The following HACE1 variants were observed in gnomAD, a reference collection of about 807,000 sequenced individuals.
The protein encoded by HACE1 is HECT domain and ankyrin repeat containing E3 ubiquitin protein ligase 1.
A neutral mutation model predicts 118.4 loss-of-function variants in HACE1; 73 were observed. The ratio of observed to expected loss-of-function variants is 0.62; its 90% CI spans 0.51 to 0.75. The LOEUF (loss-of-function observed/expected upper bound fraction) is 0.75, where lower values mean the gene tolerates loss of function less well. HACE1 is among the 30% of genes least tolerant of loss of function. The pLI is 0.00. For missense variants in HACE1, 749 were observed against 1,102.2 expected, an observed-to-expected ratio of 0.68 and a Z score of 4.54; for synonymous variants, 368 against 374.8, an observed-to-expected ratio of 0.98 and a Z score of 0.21.
rs192251615 is a variant in HACE1, at chr6:104,780,804, C to A, written c.1566+3282G>T. On this transcript the variant is annotated intron_variant, in intron 14 of 23. Coordinates refer to ENST00000262903, the MANE Select transcript of HACE1 (RefSeq NM_020771.4). ...TTATTGCAAAATGATTCATGAACTG[C>A]CTTTAATTGTCCTGTCCTGTCTCCT... 1.2e-4 allele frequency among the ~76,000 whole-genome samples: 19 copies of A among 152,280 alleles called. No homozygotes were observed. The East Asian group carries it at 2.9e-3, about 23-fold the overall frequency.
intron 7 of HACE1, among the ~76,000 whole-genome samples, chr6:104,808,079 G>A (rs1771213109): frequency 6.6e-6 from 1 of 151,910 alleles, no homozygotes; most frequent in Admixed American, 6.6e-5. Context: ...CCAGCTACTC[G>A]GGAGGCAGAG....
At chr6:104,737,302 A>G (rs1006642009) in intron 22 of HACE1, among the ~76,000 whole-genome samples, 40 of 151,144 alleles carry the variant, frequency 2.6e-4, no homozygotes, top group East Asian at 7.8e-4. Context: ...AAAAAAAAAA[A>G]AAAAAGAAAA....
At chr6:104,858,505 G>C in intron 1 of HACE1, 2 of 397,752 alleles carry the variant, frequency 5.0e-6, no homozygotes, top group Non-Finnish European at 9.9e-6. Context: ...TTCAAGACCA[G>C]CCTGGGGAAC....
At chr6:104,735,439 T>G (rs1156770102) in intron 22 of HACE1, among the ~76,000 whole-genome samples, 1 of 152,104 alleles carries the variant, frequency 6.6e-6, no homozygotes, top group Non-Finnish European at 1.5e-5. Flanking sequence ...GAGACCACCC[T>G]GGCTAACAAG....
At chr6:104,753,423 C>T (rs951948350) in intron 19 of HACE1, among the ~76,000 whole-genome samples, 1 of 152,184 alleles carries the variant, frequency 6.6e-6, no homozygotes, top group African/African-American at 2.4e-5. Context: ...TCCCTGATCC[C>T]ATTCCTTGTG....
chr6:104,737,944 G>A (rs1307259706), intron 22 of HACE1, among the ~76,000 whole-genome samples: 1 of 152,210 alleles, frequency 6.6e-6, no homozygotes, highest in Non-Finnish European at 1.5e-5. Flanking sequence ...CAGCTTTGAG[G>A]AGAGCAGTGG....
intron 10 of HACE1, among the ~76,000 whole-genome samples, chr6:104,793,123 C>T (rs1428350325): frequency 2.6e-5 from 4 of 152,016 alleles, no homozygotes; most frequent in East Asian, 1.9e-4. Context: ...AAAAATTAGC[C>T]GGGCGTGGTG....
intron 3 of HACE1, among the ~76,000 whole-genome samples, chr6:104,850,051 G>A (rs1180520456): frequency 6.6e-6 from 1 of 150,688 alleles, no homozygotes; most frequent in Non-Finnish European, 1.5e-5. Context: ...CAGGGTTCAA[G>A]CAATTCTCCT....
chr6:104,744,293 G>T, intron 21 of HACE1, 63 bp from the exon 22 acceptor site: 1 of 1,001,350 alleles, frequency 1.0e-6, no homozygotes, highest in Non-Finnish European at 1.6e-6. Context: ...CTCAATACCA[G>T]AGAAATATGC....
intron 7 of HACE1, among the ~76,000 whole-genome samples, chr6:104,807,189 A>G (rs983105124): frequency 2.0e-5 from 3 of 151,868 alleles, no homozygotes; most frequent in Admixed American, 6.6e-5. Flanking sequence ...ATGCCCAGCT[A>G]ATTTTTGTAT....
intron 22 of HACE1, among the ~76,000 whole-genome samples, chr6:104,740,282 T>C (rs1224162958): frequency 2.1e-5 from 3 of 146,094 alleles, no homozygotes; most frequent in Admixed American, 6.8e-5. Flanking sequence ...GCAAACACAT[T>C]CAAAAGCTAG....
intron 6 of HACE1, among the ~76,000 whole-genome samples, chr6:104,829,125 T>C (rs1773612401): frequency 6.6e-6 from 1 of 152,044 alleles, no homozygotes; most frequent in Non-Finnish European, 1.5e-5. Context: ...AAATAAAATA[T>C]TGAAACTTAC....
intron 11 of HACE1, chr6:104,786,551 C>T: frequency 6.9e-6 from 1 of 145,128 alleles, no homozygotes; most frequent in Non-Finnish European, 1.5e-5. Context: ...CTACAGTGAG[C>T]TGTGATCATG....
At chr6:104,733,116 T>C (rs1337925404) in intron 22 of HACE1, among the ~76,000 whole-genome samples, 1 of 152,246 alleles carries the variant, frequency 6.6e-6, no homozygotes, top group Non-Finnish European at 1.5e-5. Flanking sequence ...CAAGTCGTTC[T>C]GAATTTCCTA....
intron 2 of HACE1, 87 bp downstream of exon 2, chr6:104,852,230 C>CGCGCGT (rs1171162584): frequency 2.9e-6 from 2 of 697,340 alleles, no homozygotes; most frequent in East Asian, 3.0e-5. Flanking sequence ...TGTGTGTGTG[C>CGCGCGT]GCGCGTGCGC....
chr6:104,859,284 C>T, intron 1 of HACE1: 1 of 414,404 alleles, frequency 2.4e-6, no homozygotes, highest in South Asian at 3.4e-5. Flanking sequence ...GCCCCTTTGC[C>T]AAGACCCCTA....
chr6:104,816,701 C>G (rs938709773), intron 6 of HACE1, among the ~76,000 whole-genome samples: 3 of 152,082 alleles, frequency 2.0e-5, no homozygotes, highest in Admixed American at 2.0e-4. Flanking sequence ...AGGGCCACCA[C>G]CCCCCAGACC....
chr6:104,774,245 A>C (rs1191355624), intron 17 of HACE1, among the ~76,000 whole-genome samples: 1 of 127,748 alleles, frequency 7.8e-6, no homozygotes, highest in Non-Finnish European at 1.6e-5. Flanking sequence ...GCCCGCCACT[A>C]CGCCCGGCTA....
chr6:104,765,973 C>T (rs9499963), intron 19 of HACE1, among the ~76,000 whole-genome samples: 5,132 of 152,294 alleles, frequency 0.034, 269 homozygotes, highest in African/African-American at 0.12. Flanking sequence ...AACAGCTTGA[C>T]TTTCTGTGCT....
Sources: allele counts gnomAD v4.1 joint callset (sites outside exome capture counted in the v4.1 genomes callset), GRCh38; gene constraint gnomAD v4.1.1; transcripts MANE v1.5; gene names NCBI Gene and HGNC (gene_info 2026-07-23, HGNC 2026-07-21).